DCC: variants seen among roughly 807,000 people sequenced by gnomAD.
DCC encodes netrin receptor DCC.
DCC carries 58 observed loss-of-function variants against 172.5 expected under a neutral mutation model. The ratio of observed to expected loss-of-function variants is 0.34; its 90% CI spans 0.27 to 0.42. The LOEUF is 0.42. Among genes scored for constraint, DCC ranks in the 10% least tolerant of loss-of-function variants. DCC has a pLI of 1.00. For missense variants in DCC, 1,740 were observed against 1,791.0 expected (o/e 0.97, Z 0.51); for synonymous variants, 709 against 644.5 (o/e 1.10, Z -1.52).
At chr18:52,579,749 A>T (rs1415612460) in intron 1 of DCC, among the ~76,000 whole-genome samples, 1 of 152,196 alleles carries the variant, frequency 6.6e-6, no homozygotes, top group East Asian at 1.9e-4. Context: ...TGGAATTGTC[A>T]TGAGTCAAAA....
At position 52,865,495 on chromosome 18, in the gene DCC, G is replaced by A. The variant is rs370162447; in HGVS notation, c.413-40549G>A. 9.9e-5 allele frequency among the ~76,000 whole-genome samples: 15 copies of A among 152,120 alleles called. No homozygotes were observed. In the East Asian group the frequency reaches 2.5e-3, roughly 26 times the overall value. Reference sequence around the variant, plus strand: ...TTCCTACTTTTCCACATCCTCTCCAGCATCAGTTGTTTCCTGACTTTTTAA... The same window carrying A: ...TTCCTACTTTTCCACATCCTCTCCAACATCAGTTGTTTCCTGACTTTTTAA... On this transcript the variant is annotated intron_variant, in intron 2 of 28. Coordinates refer to ENST00000442544, the MANE Select transcript of DCC (RefSeq NM_005215.4).
rs541033974 is a variant in DCC, at chr18:52,587,664, C to T, written c.92-164390C>T. Among the ~76,000 whole-genome samples the T allele has an allele frequency of 2.0e-5, 3 of 152,326 alleles. No homozygotes were observed. In the East Asian group the frequency reaches 5.8e-4, roughly 29 times the overall value. ...GCAAAGTGCACAACCAGGTGCACTG[C>T]TCAAAGTTCTGCCCATTGGGAAGAT... On this transcript the variant is annotated intron_variant, in intron 1 of 28. Transcript: ENST00000442544.
intron 8 of DCC, among the ~76,000 whole-genome samples, chr18:53,174,603 A>G (rs2144458377): frequency 6.6e-6 from 1 of 151,264 alleles, no homozygotes; most frequent in African/African-American, 2.4e-5. Flanking sequence ...CTTGACACAT[A>G]CACTCTCCCA....
rs377096048 is a variant in DCC at position 53,089,824 on chromosome 18, TGTTTTTA to T, written c.1261+23663_1261+23669del. ...TCAATTTTCTTATGATGTAATAAAT[TGTTTTTA>T]GTTTAAAATCATTTTTATGTCACAG... is the stretch of plus-strand genomic sequence containing the variant. On this transcript the variant is annotated intron_variant, in intron 7 of 28. Coordinates refer to ENST00000442544, the MANE Select transcript of DCC (RefSeq NM_005215.4). Among the ~76,000 whole-genome samples the T allele has an allele frequency of 5.5e-3, 843 of 152,354 alleles. 6 individuals are homozygous for T. Among genetic ancestry groups the T allele is most frequent in the Admixed American group, 0.022 (339 of 15,304 alleles).
chr18:53,414,998 T>C (rs557435093), intron 20 of DCC, among the ~76,000 whole-genome samples: 81 of 152,338 alleles, frequency 5.3e-4, no homozygotes, highest in African/African-American at 1.7e-3. Context: ...TAGGATGTAA[T>C]AGACATAAAC....
At chr18:53,467,002 T>TA (rs1328512724) in intron 24 of DCC, among the ~76,000 whole-genome samples, 4 of 152,230 alleles carry the variant, frequency 2.6e-5, no homozygotes, top group African/African-American at 9.6e-5. Context: ...ATGCATATGA[T>TA]AAAAAATAAA....
intron 27 of DCC, among the ~76,000 whole-genome samples, chr18:53,515,754 AC>A (rs2046326012): frequency 6.6e-6 from 1 of 151,910 alleles, no homozygotes; most frequent in South Asian, 2.1e-4. Flanking sequence ...GATGTGAAGG[AC>A]CTCTTCAAGG....
At chr18:52,804,087 G>C (rs975196816) in intron 2 of DCC, among the ~76,000 whole-genome samples, 27 of 152,098 alleles carry the variant, frequency 1.8e-4, no homozygotes, top group African/African-American at 5.8e-4. Flanking sequence ...CCTGTACAAT[G>C]TGTGTGGGCC....
intron 7 of DCC, among the ~76,000 whole-genome samples, chr18:53,117,459 C>T (rs1337737006): frequency 1.3e-5 from 2 of 151,706 alleles, no homozygotes; most frequent in Non-Finnish European, 3.0e-5. Flanking sequence ...TTCTCCCAAA[C>T]TTTTATTTGC....
At chr18:52,638,443 G>A (rs749662391) in intron 1 of DCC, among the ~76,000 whole-genome samples, 1 of 152,094 alleles carries the variant, frequency 6.6e-6, no homozygotes, top group Non-Finnish European at 1.5e-5. Context: ...CTGCCTTCAG[G>A]AAACTCACCT....
chr18:53,252,389 G>A (rs555326477), intron 12 of DCC, among the ~76,000 whole-genome samples: 1 of 152,006 alleles, frequency 6.6e-6, no homozygotes, highest in South Asian at 2.1e-4. Flanking sequence ...CACTCTGGGG[G>A]TTTAGGTGGT....
At chr18:53,140,801 G>A (rs117078563) in intron 7 of DCC, among the ~76,000 whole-genome samples, 3,862 of 152,116 alleles carry the variant, frequency 0.025, 82 homozygotes, top group Non-Finnish European at 0.035. Flanking sequence ...AGGGAAGCCC[G>A]ACAAAGGGAA....
chr18:52,809,045 C>G (rs968723804), intron 2 of DCC, among the ~76,000 whole-genome samples: 2 of 152,170 alleles, frequency 1.3e-5, no homozygotes, highest in Admixed American at 6.5e-5. Context: ...ATATGCCAAA[C>G]AGTCAGTAAT....
intron 2 of DCC, among the ~76,000 whole-genome samples, chr18:52,894,835 C>T (rs1943113): frequency 0.26 from 40,005 of 152,026 alleles, 5,467 homozygotes; most frequent in Admixed American, 0.33. Context: ...AAAGCCCACC[C>T]ACACTGGGGA....
chr18:52,857,123 T>TA (rs1181430543), intron 2 of DCC, among the ~76,000 whole-genome samples: 7 of 152,116 alleles, frequency 4.6e-5, no homozygotes, highest in Admixed American at 6.6e-5. Context: ...AAAAAAATGG[T>TA]AAAAAAATAA....
Position 52,932,840 on chromosome 18 carries a change from C to CAA in DCC, c.985+7470_985+7471insAA, listed in dbSNP as rs776263124. ...CATATATATGCAATACATGCACTTA[C>CAA]TCTCTATTTCTAAAGTTTCCCTTTA... On this transcript the variant is annotated intron_variant, in intron 5 of 28. Coordinates refer to ENST00000442544, the MANE Select transcript of DCC (RefSeq NM_005215.4). Among the ~76,000 whole-genome samples, 310 of 152,112 alleles carry CAA rather than the reference C, an allele frequency of 2.0e-3. 1 individual carries two copies. Among genetic ancestry groups the CAA allele is most frequent in the Non-Finnish European group, 3.4e-3 (229 of 67,960 alleles).
rs901931302 is a variant in DCC, at chr18:52,423,174, C to G, written c.91+82296C>G. Among the ~76,000 whole-genome samples, 43 of 152,270 alleles carry G rather than the reference C, an allele frequency of 2.8e-4. 1 individual carries two copies. The highest frequency in any genetic ancestry group is 2.1e-3 in the Admixed American group (32 of 15,286). On this transcript the variant is annotated intron_variant, in intron 1 of 28. Transcript: ENST00000442544. ...GGGAAAAGCAAGGATAAATGTTGCT[C>G]TTCTGCCTGTAGGTGGCTAACAATC...
At chr18:52,726,520 T>C (rs79612266) in intron 1 of DCC, among the ~76,000 whole-genome samples, 3,221 of 152,290 alleles carry the variant, frequency 0.021, 142 homozygotes, top group East Asian at 0.21. Context: ...CACCTGATTC[T>C]CCAGCATTAT....
chr18:52,581,488 A>G (rs1431881891), intron 1 of DCC, among the ~76,000 whole-genome samples: 1 of 152,148 alleles, frequency 6.6e-6, no homozygotes, highest in African/African-American at 2.4e-5. Context: ...GGAGCTCAAT[A>G]AATATTTGTG....
Sources: allele counts gnomAD v4.1 joint callset (sites outside exome capture counted in the v4.1 genomes callset), GRCh38; gene constraint gnomAD v4.1.1; transcripts MANE v1.5; gene names NCBI Gene and HGNC (gene_info 2026-07-23, HGNC 2026-07-21).